ESRRG: variants seen among roughly 807,000 people sequenced by gnomAD.
The protein encoded by ESRRG is estrogen related receptor gamma.
A neutral mutation model predicts 44.0 loss-of-function variants in ESRRG; 13 were observed. The observed-to-expected ratio is 0.30, with a 90% CI of 0.19 to 0.47. The LOEUF is 0.47. Ranked by LOEUF, ESRRG falls within the 20% of genes least tolerant of loss-of-function variation. The pLI, the probability that ESRRG is intolerant of heterozygous loss-of-function variation, is 1.00. For missense variants in ESRRG, 395 were observed against 580.6 expected, an observed-to-expected ratio of 0.68 and a Z score of 3.29; for synonymous variants, 215 against 214.6, an observed-to-expected ratio of 1.00 and a Z score of -0.02.
At chr1:216,665,069 C>T (rs1454382277) in intron 2 of ESRRG, among the ~76,000 whole-genome samples, 3 of 152,226 alleles carry the variant, frequency 2.0e-5, no homozygotes, top group South Asian at 4.1e-4. Flanking sequence ...TCACTTTCAG[C>T]GGTTTCAATT....
intron 1 of ESRRG, among the ~76,000 whole-genome samples, chr1:216,951,818 A>T (rs1040642463): frequency 3.3e-5 from 5 of 150,246 alleles, no homozygotes; most frequent in African/African-American, 1.2e-4. Context: ...CAGAATTCTG[A>T]CTCTTGTTAA....
At chr1:216,679,354 CA>C (rs147916728) in intron 1 of ESRRG, among the ~76,000 whole-genome samples, 9,024 of 152,266 alleles carry the variant, frequency 0.059, 853 homozygotes, top group African/African-American at 0.2. Flanking sequence ...TTCCTCAAGT[CA>C]TCGTTTGAAA....
At chr1:216,542,473 C>T (rs2053186489) in intron 5 of ESRRG, among the ~76,000 whole-genome samples, 1 of 151,924 alleles carries the variant, frequency 6.6e-6, no homozygotes, top group Admixed American at 6.6e-5. Flanking sequence ...TCACACATAT[C>T]CCTGGAATTT....
chr1:216,817,508 T>C lies in ESRRG; in HGVS notation c.-14+122074A>G, dbSNP rs561587417. Among the ~76,000 whole-genome samples the C allele has an allele frequency of 4.6e-5, 7 of 152,328 alleles. No individual in the cohort carries two copies. The South Asian group carries it at 1.2e-3, about 27-fold the overall frequency. On this transcript the variant is annotated intron_variant, in intron 2 of 7. Coordinates refer to the ESRRG transcript ENST00000359162. ...ATAGGCTTAGATGATACAAATATTATGTGGGCTGTGTGGACACTCCCAGGT... is the reference window on the plus strand; with the variant it reads ...ATAGGCTTAGATGATACAAATATTACGTGGGCTGTGTGGACACTCCCAGGT...
At chr1:216,970,600 G>A (rs1297605576) in intron 1 of ESRRG, among the ~76,000 whole-genome samples, 2 of 152,114 alleles carry the variant, frequency 1.3e-5, no homozygotes, top group East Asian at 1.9e-4. Flanking sequence ...TATTATCTAT[G>A]AGTGTTAATA....
chr1:217,057,623 A>T (rs1224378021), intron 1 of ESRRG, among the ~76,000 whole-genome samples: 1 of 152,144 alleles, frequency 6.6e-6, no homozygotes, highest in Non-Finnish European at 1.5e-5. Flanking sequence ...ACTAGAAAAA[A>T]ATAAACAGAA....
chr1:216,764,426 G>A (rs2092964053), intron 2 of ESRRG, among the ~76,000 whole-genome samples: 2 of 151,788 alleles, frequency 1.3e-5, no homozygotes, highest in Non-Finnish European at 2.9e-5. Context: ...ACACCACCAT[G>A]CCTGGCTAAT....
chr1:216,900,082 T>C (rs1009593924), intron 2 of ESRRG, among the ~76,000 whole-genome samples: 2 of 152,190 alleles, frequency 1.3e-5, no homozygotes, highest in African/African-American at 2.4e-5. Context: ...CAAAGCTGCT[T>C]AAGAAATCCA....
intron 2 of ESRRG, among the ~76,000 whole-genome samples, chr1:216,913,932 T>A (rs1386542037): frequency 1.3e-5 from 2 of 152,106 alleles, no homozygotes; most frequent in Non-Finnish European, 2.9e-5. Context: ...GAGGAGAAAA[T>A]TTTTAAAAAT....
chr1:216,990,558 C>T (rs1470320845), intron 1 of ESRRG, among the ~76,000 whole-genome samples: 1 of 151,960 alleles, frequency 6.6e-6, no homozygotes, highest in Non-Finnish European at 1.5e-5. Flanking sequence ...TCTTGGCCAC[C>T]CCTGAGACAG....
intron 1 of ESRRG, among the ~76,000 whole-genome samples, chr1:216,946,168 A>G (rs2150023118): frequency 6.6e-6 from 1 of 152,300 alleles, no homozygotes; most frequent in South Asian, 2.1e-4. Context: ...GAAATCAGAG[A>G]TCTAATTCAT....
At position 216,519,402 on chromosome 1, in the gene ESRRG, C is replaced by G. The variant is rs1456933472; in HGVS notation, c.882G>C (p.Leu294=). ...TCTGCAGAAGGCTCATCTGGTCCGC[C>G]AGGGACAGCGTGGAGAAGCCTGCAT... ...KHIPGFSTLS[L]ADQMSLLQSA... The change falls in exon 6 of 7, where the codon CTG becomes CTC. Residue 294 remains leucine (L), a synonymous_variant. Transcript: ENST00000408911. The G allele has an allele frequency of 6.2e-7, 1 of 1,611,986 alleles. No homozygotes were observed. Among genetic ancestry groups the G allele is most frequent in the South Asian group, 1.1e-5 (1 of 90,968 alleles).
intron 2 of ESRRG, among the ~76,000 whole-genome samples, chr1:216,673,576 G>T (rs1419315968): frequency 6.6e-6 from 1 of 152,164 alleles, no homozygotes; most frequent in Non-Finnish European, 1.5e-5. Context: ...ATCACCCTGT[G>T]CTTTGCTCTG....
At chr1:216,896,187 G>A (rs1329701453) in intron 2 of ESRRG, among the ~76,000 whole-genome samples, 1 of 152,098 alleles carries the variant, frequency 6.6e-6, no homozygotes, top group Non-Finnish European at 1.5e-5. Flanking sequence ...CGATGCTAAG[G>A]GTCATTGCTA....
chr1:216,641,537 C>G (rs889508926), intron 3 of ESRRG, among the ~76,000 whole-genome samples: 1 of 152,204 alleles, frequency 6.6e-6, no homozygotes, highest in Non-Finnish European at 1.5e-5. Context: ...GGATCAGATT[C>G]ATTCCTCTCT....
chr1:216,644,511 T>C (rs578133750), intron 3 of ESRRG, among the ~76,000 whole-genome samples: 3 of 149,218 alleles, frequency 2.0e-5, no homozygotes, highest in African/African-American at 7.4e-5. Context: ...TCATTGCAAC[T>C]TCCTCTTCCC....
intron 6 of ESRRG, among the ~76,000 whole-genome samples, chr1:216,514,355 G>C (rs1368837087): frequency 6.6e-6 from 1 of 152,052 alleles, no homozygotes; most frequent in Non-Finnish European, 1.5e-5. Context: ...TTACCTGATA[G>C]TATTACTTAT....
intron 2 of ESRRG, among the ~76,000 whole-genome samples, chr1:216,746,294 A>G (rs1473304831): frequency 1.3e-5 from 2 of 152,302 alleles, no homozygotes; most frequent in Non-Finnish European, 2.9e-5. Flanking sequence ...GCTACAACAC[A>G]TGCTTTTCCT....
chr1:216,542,607 C>A (rs538165077), intron 5 of ESRRG, among the ~76,000 whole-genome samples: 1 of 151,958 alleles, frequency 6.6e-6, no homozygotes, highest in Non-Finnish European at 1.5e-5. Flanking sequence ...TATCTCTAAT[C>A]GTCCTTCAAA....
Sources: gnomAD v4.1 joint callset for allele counts (sites outside exome capture counted in the v4.1 genomes callset) on GRCh38, gnomAD v4.1.1 for gene constraint, MANE v1.5 for transcripts, NCBI Gene and HGNC (gene_info 2026-07-23, HGNC 2026-07-21) for gene names.